SSBP3: variants seen among roughly 807,000 people sequenced by gnomAD.
The protein encoded by SSBP3 is single stranded DNA binding protein 3, also known as single-stranded DNA-binding protein 3.
Under a neutral mutation model 69.6 loss-of-function variants are expected in SSBP3, and 5 were observed. That is an observed-to-expected ratio of 0.07 (90% confidence interval 0.04 to 0.15). SSBP3 has a LOEUF of 0.15. Ranked by LOEUF, SSBP3 falls within the 10% of genes least tolerant of loss-of-function variation. The probability of loss-of-function intolerance (pLI) is 1.00; values close to 1 mark genes in which losing one functional copy is unlikely to be tolerated. For synonymous variants in SSBP3, 196 were observed against 193.4 expected (o/e 1.01, Z -0.11); for missense variants, 312 against 534.0 (o/e 0.58, Z 4.10).
Position 54,316,655 on chromosome 1 carries a change from AAAAATAAAAT to A in SSBP3, c.277-35138_277-35129del, listed in dbSNP as rs1159805024. On this transcript the variant is annotated intron_variant, in intron 4 of 17. Coordinates refer to ENST00000610401, the Ensembl canonical transcript of SSBP3. ...AGAGCGAGACTCCGTCTCAAAAAAA[AAAAATAAAAT>A]AAATAAATAAATAAATAAATAAATA... Among the ~76,000 whole-genome samples, 13 of 52,320 alleles carry A rather than the reference AAAAATAAAAT, an allele frequency of 2.5e-4. 2 individuals carry two copies. The highest frequency in any genetic ancestry group is 2.2e-3 in the Admixed American group (9 of 4,164). 34.3% of individuals were successfully genotyped at this position (52,320 alleles called of 152,430 possible).
chr1:54,379,788 G>A lies in SSBP3; in HGVS notation c.276+22073C>T, dbSNP rs79786989. 2.2e-3 allele frequency among the ~76,000 whole-genome samples: 334 copies of A among 152,216 alleles called. 3 individuals carry two copies. The highest frequency in any genetic ancestry group is 7.8e-3 in the African/African-American group (324 of 41,526). ...GCTTTCTCTGGACATCACTCCATTC[G>A]CCCAAATACCTAGGCCCCTACCATG... On this transcript the variant is annotated intron_variant, in intron 4 of 17. Coordinates refer to ENST00000610401, the Ensembl canonical transcript of SSBP3.
At chr1:54,231,042 T>C in intron 14 of SSBP3, among the ~76,000 whole-genome samples, 1 of 152,234 alleles carries the variant, frequency 6.6e-6, no homozygotes, top group East Asian at 1.9e-4. Flanking sequence ...GGAGGAGAAC[T>C]GCTGGGTCAT....
chr1:54,281,253 C>A (rs1645386257), intron 5 of SSBP3, among the ~76,000 whole-genome samples, 185 bp downstream of exon 5: 3 of 152,162 alleles, frequency 2.0e-5, no homozygotes, highest in Admixed American at 2.0e-4. Context: ...CCATCTTTTT[C>A]TCCCTCTCAG....
At chr1:54,388,967 C>T (rs1157078426) in intron 4 of SSBP3, among the ~76,000 whole-genome samples, 1 of 152,208 alleles carries the variant, frequency 6.6e-6, no homozygotes, top group Non-Finnish European at 1.5e-5. Context: ...TGGGTCCTGC[C>T]TAAGGATTCT....
At chr1:54,384,579 AAAAT>A (rs1025797231) in intron 4 of SSBP3, among the ~76,000 whole-genome samples, 1 of 152,248 alleles carries the variant, frequency 6.6e-6, no homozygotes, top group Non-Finnish European at 1.5e-5. Flanking sequence ...TGAGACATGA[AAAAT>A]AAACAGGGTT....
intron 4 of SSBP3, among the ~76,000 whole-genome samples, chr1:54,374,725 C>T (rs757479767): frequency 6.6e-6 from 1 of 152,178 alleles, no homozygotes; most frequent in Non-Finnish European, 1.5e-5. Flanking sequence ...GCTAACCACA[C>T]ACAACCCTGA....
At chr1:54,347,892 G>C (rs1043257490) in intron 4 of SSBP3, among the ~76,000 whole-genome samples, 2 of 152,202 alleles carry the variant, frequency 1.3e-5, no homozygotes, top group African/African-American at 4.8e-5. Context: ...TTGAGACTAA[G>C]TTTCTGTTGT....
intron 4 of SSBP3, among the ~76,000 whole-genome samples, chr1:54,299,801 C>G (rs541643781): frequency 5.3e-5 from 8 of 152,286 alleles, no homozygotes; most frequent in African/African-American, 1.7e-4. Flanking sequence ...ACAGATCAAA[C>G]CCAGATCGCT....
chr1:54,319,509 A>C (rs565362618), intron 4 of SSBP3, among the ~76,000 whole-genome samples: 1 of 152,202 alleles, frequency 6.6e-6, no homozygotes, highest in Admixed American at 6.5e-5. Flanking sequence ...CCAAACACAG[A>C]AGCAGCAGGA....
chr1:54,403,907 A>G (rs1254710179), intron 3 of SSBP3, among the ~76,000 whole-genome samples: 1 of 151,934 alleles, frequency 6.6e-6, no homozygotes, highest in Non-Finnish European at 1.5e-5. Flanking sequence ...CAAAGGACAC[A>G]GAGGCCTGGT....
intron 4 of SSBP3, among the ~76,000 whole-genome samples, chr1:54,363,470 A>G (rs1329980556): frequency 6.6e-6 from 1 of 152,210 alleles, no homozygotes; most frequent in African/African-American, 2.4e-5. Context: ...ATCTGATGCC[A>G]CATCGGACAG....
chr1:54,251,936 C>G (rs1295913836), intron 7 of SSBP3, 76 bp from the exon 8 acceptor site: 5 of 1,261,322 alleles, frequency 4.0e-6, no homozygotes, highest in Non-Finnish European at 5.7e-6. Context: ...CTACCTGTCC[C>G]ACCCAGTGCC....
chr1:54,268,811 A>C (rs1645145339), intron 5 of SSBP3, among the ~76,000 whole-genome samples: 1 of 152,202 alleles, frequency 6.6e-6, no homozygotes, highest in Non-Finnish European at 1.5e-5. Context: ...GGTCGGGCCC[A>C]CAGTCACACG....
chr1:54,393,051 C>T (rs1478401180), intron 4 of SSBP3, among the ~76,000 whole-genome samples: 2 of 152,114 alleles, frequency 1.3e-5, no homozygotes, highest in African/African-American at 2.4e-5. Context: ...TGGTACCAAG[C>T]GGGAATCATG....
intron 4 of SSBP3, among the ~76,000 whole-genome samples, chr1:54,324,718 G>A (rs539002254): frequency 9.5e-4 from 144 of 152,316 alleles, no homozygotes; most frequent in Non-Finnish European, 1.6e-3. Context: ...TTAATGGGGT[G>A]GTGATATATC....
chr1:54,303,418 T>C (rs544184305), intron 4 of SSBP3, among the ~76,000 whole-genome samples: 35 of 152,056 alleles, frequency 2.3e-4, no homozygotes, highest in African/African-American at 7.7e-4. Flanking sequence ...AGCCAGCCTC[T>C]GGCTCATTAC....
At chr1:54,233,499 C>T (rs1644424012) in intron 14 of SSBP3, among the ~76,000 whole-genome samples, 2 of 149,218 alleles carry the variant, frequency 1.3e-5, no homozygotes, top group Admixed American at 6.6e-5. Context: ...GGGGGGTCAG[C>T]CCCCCGCCCG....
intron 14 of SSBP3, among the ~76,000 whole-genome samples, chr1:54,232,870 C>G (rs563212245): frequency 6.6e-6 from 1 of 152,200 alleles, no homozygotes; most frequent in Non-Finnish European, 1.5e-5. Flanking sequence ...GACGGAGTCT[C>G]GTTCACTCAG....
intron 6 of SSBP3, among the ~76,000 whole-genome samples, chr1:54,257,546 A>G (rs924013730): frequency 5.3e-5 from 8 of 152,180 alleles, no homozygotes; most frequent in African/African-American, 1.9e-4. Context: ...GATACGTAAC[A>G]TCTTAAGGGC....
Sources: gnomAD v4.1 joint callset for allele counts (sites outside exome capture counted in the v4.1 genomes callset) on GRCh38, gnomAD v4.1.1 for gene constraint, MANE v1.5 for transcripts, NCBI Gene and HGNC (gene_info 2026-07-23, HGNC 2026-07-21) for gene names.